Variants in SNCAIP observed in about 807,000 individuals in gnomAD.
The protein encoded by SNCAIP is synuclein alpha interacting protein.
A neutral mutation model predicts 86.7 loss-of-function variants in SNCAIP; 43 were observed. That is an observed-to-expected ratio of 0.50 (90% CI 0.39 to 0.64). The LOEUF is 0.64. Among genes scored for constraint, SNCAIP ranks in the 30% least tolerant of loss-of-function variants. The probability of loss-of-function intolerance (pLI) is 0.00; values close to 1 mark genes in which losing one functional copy is unlikely to be tolerated. For synonymous variants in SNCAIP, 417 were observed against 427.2 expected (o/e 0.98, Z 0.29); for missense variants, 981 against 1,103.1 (o/e 0.89, Z 1.57).
At chr5:122,353,441 A>G (rs1387778902) in intron 1 of SNCAIP, among the ~76,000 whole-genome samples, 2 of 145,690 alleles carry the variant, frequency 1.4e-5, no homozygotes, top group African/African-American at 5.0e-5. Flanking sequence ...TAATTAAGCA[A>G]AAAAAAAAAA....
rs979203890 is a variant in SNCAIP at position 122,452,873 on chromosome 5, T to G, written c.2754+1272T>G. On this transcript the variant is annotated intron_variant, in intron 10 of 10. Coordinates refer to ENST00000261368, the MANE Select transcript of SNCAIP (RefSeq NM_005460.4). ...CTTCATGTTTACTGGGACTTGTGCA[T>G]GTGCTGAGCTTGTTGCATGTTTTCA... 16 of 1,112,182 alleles carry G rather than the reference T, an allele frequency of 1.4e-5. No homozygotes were observed. In the East Asian group the frequency reaches 3.9e-4, roughly 27 times the overall value. The allele number at this position is 1,112,182 out of a possible 1,614,324, so 68.9% of individuals were successfully genotyped here. A position where few individuals can be genotyped will look rare whatever the true frequency, so the allele number is the denominator to read the frequency against.
Position 122,391,109 on chromosome 5 carries a change from G to A in SNCAIP, c.-26G>A, listed in dbSNP as rs369556081. The A allele has an allele frequency of 2.4e-4, 388 of 1,587,244 alleles. No individual in the cohort carries two copies. The highest frequency in any genetic ancestry group is 3.3e-4 in the Admixed American group (20 of 59,978). ...TTCAGGAATTTATAAGTATTTGACC[G>A]TACTCAAAATGTGCAAGGAAGAATA... On this transcript the variant is annotated 5_prime_UTR_variant, in exon 2 of 11. Coordinates refer to ENST00000261368, the MANE Select transcript of SNCAIP (RefSeq NM_005460.4).
At chr5:122,313,699 CA>C (rs965131599) in intron 1 of SNCAIP, among the ~76,000 whole-genome samples, 3 of 152,174 alleles carry the variant, frequency 2.0e-5, no homozygotes, top group Non-Finnish European at 4.4e-5. Flanking sequence ...TTACATTCAG[CA>C]TGGTTAGAGT....
At chr5:122,415,441 G>A (rs1775103577) in intron 3 of SNCAIP, among the ~76,000 whole-genome samples, 1 of 152,096 alleles carries the variant, frequency 6.6e-6, no homozygotes, top group Admixed American at 6.5e-5. Flanking sequence ...AAACAAGAAG[G>A]GAACACTCTT....
At chr5:122,373,024 T>A (rs755021212) in intron 1 of SNCAIP, among the ~76,000 whole-genome samples, 1 of 152,324 alleles carries the variant, frequency 6.6e-6, no homozygotes, top group African/African-American at 2.4e-5. Context: ...CATTTTGTTA[T>A]TTTGAAATCT....
At chr5:122,347,946 G>A (rs1282235262) in intron 1 of SNCAIP, among the ~76,000 whole-genome samples, 1 of 151,616 alleles carries the variant, frequency 6.6e-6, no homozygotes, top group African/African-American at 2.4e-5. Context: ...TTTTTTGTTG[G>A]CCTTTGAATA....
At position 122,451,039 on chromosome 5, in the gene SNCAIP, G is replaced by A. The variant is rs146515227; in HGVS notation, c.2192G>A (p.Arg731His). ...IKKHTLASGG[R>H]RFPFSIKASK... The stretch of plus-strand genomic sequence containing the variant: ...AAACACACCTTGGCATCAGGGGGAC[G>A]CAGGTTTCCTTTCAGCATCAAGGCC... The change falls in exon 10 of 11, where the codon CGC (arginine) becomes CAC (histidine). Residue 731 changes from arginine to histidine, a missense_variant. Transcript: ENST00000261368. 95 of 1,614,168 alleles carry A rather than the reference G, an allele frequency of 5.9e-5. No individual in the cohort carries two copies. The Admixed American group carries it at 8.8e-4, about 15-fold the overall frequency.
intron 1 of SNCAIP, among the ~76,000 whole-genome samples, chr5:122,342,383 G>C (rs1177923540): frequency 2.6e-5 from 4 of 152,066 alleles, no homozygotes; most frequent in Admixed American, 6.6e-5. Context: ...ACCACTGCAG[G>C]CTTCCTGGGG....
chr5:122,425,031 C>T (rs754932985), intron 4 of SNCAIP, among the ~76,000 whole-genome samples: 2 of 152,190 alleles, frequency 1.3e-5, no homozygotes, highest in Non-Finnish European at 2.9e-5. Flanking sequence ...ACTTCACAAT[C>T]AAGTAGGGGA....
At chr5:122,392,111 C>T (rs1333353639) in intron 2 of SNCAIP, among the ~76,000 whole-genome samples, 1 of 152,176 alleles carries the variant, frequency 6.6e-6, no homozygotes, top group Non-Finnish European at 1.5e-5. Context: ...GATGAACTTA[C>T]TTTATCATGC....
intron 1 of SNCAIP, among the ~76,000 whole-genome samples, 179 bp from the exon 2 acceptor site, chr5:122,390,910 G>A (rs938694211): frequency 1.3e-5 from 2 of 152,288 alleles, no homozygotes; most frequent in Admixed American, 1.3e-4. Flanking sequence ...CCATGGAGAC[G>A]CTGTGTTTGC....
At chr5:122,396,841 G>T (rs903399558) in intron 2 of SNCAIP, among the ~76,000 whole-genome samples, 18 of 152,110 alleles carry the variant, frequency 1.2e-4, no homozygotes, top group African/African-American at 4.3e-4. Context: ...GTTGAACAAG[G>T]TTTATGACTG....
At chr5:122,454,268 A>G (rs950369415) in intron 10 of SNCAIP, 22 of 152,604 alleles carry the variant, frequency 1.4e-4, no homozygotes, top group African/African-American at 4.8e-4. Flanking sequence ...CTCTAAATCA[A>G]ATTTAATCTG....
intron 1 of SNCAIP, among the ~76,000 whole-genome samples, chr5:122,320,298 A>C (rs1192302412): frequency 6.6e-6 from 1 of 152,180 alleles, no homozygotes; most frequent in Non-Finnish European, 1.5e-5. Context: ...GGAAACTTTA[A>C]CTTAACAGAT....
At position 122,359,475 on chromosome 5, in the gene SNCAIP, T is replaced by C. The variant is rs369781158; in HGVS notation, c.-46-31614T>C. On this transcript the variant is annotated intron_variant, in intron 1 of 10. Transcript: ENST00000261368. ...GCCTCCTGGGTTCAAATGATTCTTG[T>C]GCCTCAGCCTTCTGAGTAGCTGGGA... Among the ~76,000 whole-genome samples the C allele has an allele frequency of 1.1e-4, 17 of 152,054 alleles. 1 individual carries two copies. In the South Asian group the frequency reaches 3.5e-3, roughly 32 times the overall value.
At chr5:122,438,946 G>A (rs144369625) in intron 6 of SNCAIP, among the ~76,000 whole-genome samples, 13 of 152,266 alleles carry the variant, frequency 8.5e-5, no homozygotes, top group African/African-American at 3.1e-4. Flanking sequence ...CTATCCTCTT[G>A]CAGCCTCCAT....
At chr5:122,449,694 T>A (rs1434930678) in intron 8 of SNCAIP, 151 bp from the exon 9 acceptor site, 4 of 636,502 alleles carry the variant, frequency 6.3e-6, no homozygotes, top group South Asian at 6.1e-5. Flanking sequence ...TTAGGAAAAT[T>A]TCTGAACCTG....
chr5:122,312,129 C>G (rs1021046077), upstream of SNCAIP: 1 of 149,138 alleles, frequency 6.7e-6, no homozygotes, highest in Non-Finnish European at 1.5e-5. Context: ...GAGCGGCGCC[C>G]GCGGCCGGGC....
rs764515381 is a variant in SNCAIP at position 122,451,175 on chromosome 5, T to C, written c.2328T>C (p.Gly776=). The change falls in exon 10 of 11, where the codon GGT becomes GGC. Residue 776 remains glycine, a synonymous_variant. Coordinates refer to ENST00000261368, the MANE Select transcript of SNCAIP (RefSeq NM_005460.4). ...GTATTCCTCCAAACCAGCCCTCTGG[T>C]GACCCTCAGCAGCCCAGCCCTGACA... is the stretch of plus-strand genomic sequence containing the variant. ...SGSIPPNQPS[G]DPQQPSPDST... 1.9e-6 allele frequency: 3 copies of C among 1,614,088 alleles called. No homozygotes were observed. In the Admixed American group the frequency reaches 5.0e-5, roughly 27 times the overall value.
Sources: gnomAD v4.1 joint callset for allele counts (sites outside exome capture counted in the v4.1 genomes callset) on GRCh38, gnomAD v4.1.1 for gene constraint, MANE v1.5 for transcripts, NCBI Gene and HGNC (gene_info 2026-07-23, HGNC 2026-07-21) for gene names.